STAG2: variants seen among roughly 807,000 people sequenced by gnomAD.
The protein encoded by STAG2 is STAG2 cohesin complex component.
Under a neutral mutation model 108.1 loss-of-function variants are expected in STAG2, and 14 were observed. The ratio of observed to expected loss-of-function variants is 0.13; its 90% CI spans 0.09 to 0.20. The LOEUF is 0.20. STAG2 is among the 10% of genes least tolerant of loss of function. STAG2 has a pLI of 1.00. For synonymous variants in STAG2, 307 were observed against 302.7 expected (o/e 1.01, Z -0.15); for missense variants, 440 against 940.9 (o/e 0.47, Z 6.96).
chrX:123,965,873 C>T (rs2054071514), intron 1 of STAG2, among the ~76,000 whole-genome samples: 1 of 109,417 alleles, frequency 9.1e-6, no homozygotes, highest in African/African-American at 3.3e-5. Flanking sequence ...GTGGTGCACA[C>T]CTGTGGTCCC....
intron 5 of STAG2, among the ~76,000 whole-genome samples, chrX:124,034,662 C>T (rs1345442834): frequency 1.8e-5 from 2 of 111,029 alleles, no homozygotes; most frequent in Non-Finnish European, 3.8e-5. Context: ...TAGGACTGAG[C>T]GAATCAAATG....
At position 124,065,872 on chromosome X, in the gene STAG2, A is replaced by G. The variant is rs2148337854; in HGVS notation, c.2026-4A>G. ...GGTTCTTAATGTATAATTAATATTTATAGGGTGAAGAACCTGATGAAGATG... is the reference window on the plus strand; with the variant it reads ...GGTTCTTAATGTATAATTAATATTTGTAGGGTGAAGAACCTGATGAAGATG... On this transcript the variant is annotated splice_polypyrimidine_tract_variant and splice_region_variant and intron_variant, in intron 20 of 34. Coordinates refer to ENST00000371145, the MANE Select transcript of STAG2 (RefSeq NM_001042750.2). 6 of 1,143,694 alleles carry G rather than the reference A, an allele frequency of 5.2e-6. No individual in the cohort carries two copies. The highest frequency in any genetic ancestry group is 7.0e-6 in the Non-Finnish European group (6 of 854,351). The allele number at this position is 1,143,694 out of a possible 1,213,427, so 94.3% of individuals were successfully genotyped here.
chrX:123,974,446 G>C (rs749938201), intron 1 of STAG2, among the ~76,000 whole-genome samples: 1 of 107,447 alleles, frequency 9.3e-6, no homozygotes, highest in African/African-American at 3.4e-5. Context: ...GGCTTGTATC[G>C]AACTCCTGAG....
At chrX:124,077,648 T>C (rs187761748) in intron 26 of STAG2, among the ~76,000 whole-genome samples, 1 of 112,222 alleles carries the variant, frequency 8.9e-6, no homozygotes, top group East Asian at 2.8e-4. Context: ...TTTGTGTTAC[T>C]TCTGAAAATC....
chrX:123,975,671 T>C (rs921460511), intron 1 of STAG2, among the ~76,000 whole-genome samples: 4 of 111,237 alleles, frequency 3.6e-5, no homozygotes, highest in African/African-American at 1.3e-4. Context: ...TCCATGTTGG[T>C]CAGGCTGGTC....
chrX:124,084,644 G>A (rs1313412841), intron 29 of STAG2, among the ~76,000 whole-genome samples: 1 of 111,573 alleles, frequency 9.0e-6, no homozygotes, highest in East Asian at 2.8e-4. Flanking sequence ...TAGGTATGTG[G>A]GTCACACAGG....
intron 13 of STAG2, among the ~76,000 whole-genome samples, chrX:124,053,715 C>T (rs755269035): frequency 9.0e-6 from 1 of 111,585 alleles, no homozygotes; most frequent in South Asian, 3.7e-4. Flanking sequence ...CTTTCATGAG[C>T]ATGACACAAA....
At chrX:124,092,788 A>G (rs892378044) in intron 32 of STAG2, among the ~76,000 whole-genome samples, 4 of 112,089 alleles carry the variant, frequency 3.6e-5, no homozygotes, top group African/African-American at 1.3e-4. Flanking sequence ...CAAAATGCAG[A>G]ACGGCTTTCT....
At chrX:124,037,798 A>T (rs773785637) in intron 6 of STAG2, among the ~76,000 whole-genome samples, 175 bp downstream of exon 6, 1 of 112,786 alleles carries the variant, frequency 8.9e-6, no homozygotes, top group African/African-American at 3.2e-5. Flanking sequence ...GAGAAAGTCT[A>T]TTGACAAAGT....
intron 3 of STAG2, among the ~76,000 whole-genome samples, chrX:124,023,882 G>T (rs924460932): frequency 9.0e-6 from 1 of 111,357 alleles, no homozygotes; most frequent in African/African-American, 3.3e-5. Flanking sequence ...CTGGGTATGT[G>T]GGGTGCAGGG....
chrX:124,032,143 A>G (rs1252327721), intron 5 of STAG2, among the ~76,000 whole-genome samples: 1 of 112,213 alleles, frequency 8.9e-6, no homozygotes, highest in Non-Finnish European at 1.9e-5. Flanking sequence ...TATAGATGCC[A>G]TTAAAATACG....
chrX:124,000,325 A>G (rs747369943), intron 1 of STAG2, among the ~76,000 whole-genome samples: 28 of 111,433 alleles, frequency 2.5e-4, no homozygotes, highest in Admixed American at 7.7e-4. Flanking sequence ...TAACTGTGTT[A>G]CTTGTTTACA....
chrX:123,996,690 A>C (rs1014048912), intron 1 of STAG2, among the ~76,000 whole-genome samples: 1 of 112,071 alleles, frequency 8.9e-6, no homozygotes, highest in Non-Finnish European at 1.9e-5. Flanking sequence ...AGCATAATGC[A>C]TTTGAGATTC....
intron 23 of STAG2, 90 bp from the exon 24 acceptor site, chrX:124,068,474 G>T: frequency 1.9e-6 from 1 of 518,834 alleles, no homozygotes; most frequent in Non-Finnish European, 3.0e-6. Context: ...AAAGCTATGA[G>T]ATAATGTTTT....
At chrX:124,050,494 A>C (rs929979820) in intron 11 of STAG2, among the ~76,000 whole-genome samples, 185 bp downstream of exon 11, 3 of 111,392 alleles carry the variant, frequency 2.7e-5, no homozygotes, top group African/African-American at 9.8e-5. Context: ...GATATTTTTG[A>C]ATCCTGGCCA....
At chrX:124,098,575 T>A (rs1035344799) in intron 34 of STAG2, among the ~76,000 whole-genome samples, 2 of 111,583 alleles carry the variant, frequency 1.8e-5, no homozygotes, top group Non-Finnish European at 3.8e-5. Flanking sequence ...TTAAATTCTT[T>A]AATGTCCAGT....
At chrX:123,998,921 A>G in intron 1 of STAG2, among the ~76,000 whole-genome samples, 1 of 110,656 alleles carries the variant, frequency 9.0e-6, no homozygotes, top group Middle Eastern at 4.7e-3. Context: ...CCTGGGCAAC[A>G]TAGCGAGACC....
At chrX:124,048,965 T>C (rs758453672) in intron 9 of STAG2, 40 bp from the exon 10 acceptor site, 1 of 1,102,080 alleles carries the variant, frequency 9.1e-7, no homozygotes, top group South Asian at 1.9e-5. Context: ...TTTGGTTGTC[T>C]TCCTTTACAA....
chrX:124,048,202 G>A (rs1031726356), intron 9 of STAG2, among the ~76,000 whole-genome samples: 7 of 111,273 alleles, frequency 6.3e-5, no homozygotes, highest in Non-Finnish European at 1.1e-4. Flanking sequence ...ATTTTTTTGG[G>A]GAGGGGAATT....
Sources: allele counts gnomAD v4.1 joint callset (sites outside exome capture counted in the v4.1 genomes callset), GRCh38; gene constraint gnomAD v4.1.1; transcripts MANE v1.5; gene names NCBI Gene and HGNC (gene_info 2026-07-23, HGNC 2026-07-21).